SOAT2: variants seen among roughly 807,000 people sequenced by gnomAD.
SOAT2 encodes ACAT-2.
Under a neutral mutation model 76.0 loss-of-function variants are expected in SOAT2, and 87 were observed. The observed-to-expected ratio is 1.14, with a 90% CI of 0.96 to 1.37. The LOEUF is 1.37. Among genes scored for constraint, SOAT2 ranks in the 40% most tolerant of loss-of-function variants. The pLI, the probability that SOAT2 is intolerant of heterozygous loss-of-function variation, is 0.00. For synonymous variants in SOAT2, 285 were observed against 275.4 expected (o/e 1.03, Z -0.34); for missense variants, 686 against 682.1 (o/e 1.01, Z -0.06).
intron 5 of SOAT2, among the ~76,000 whole-genome samples, chr12:53,109,689 T>C (rs1937984902): frequency 6.6e-6 from 1 of 152,154 alleles, no homozygotes; most frequent in African/African-American, 2.4e-5. Context: ...GATTTCATCA[T>C]GTTGGCCAGG....
chr12:53,115,645 C>T lies in SOAT2; in HGVS notation c.699C>T (p.Val233=). The change falls in exon 6 of 15, where the codon GTC becomes GTT. Residue 233 remains valine, a synonymous_variant. Transcript: ENST00000301466. ...QLPPASRCVL[V]FEQVRFLMKS... is the part of the protein sequence containing the mutation. ...CGCCGGCCTCCCGTTGTGTCCTGGT[C>T]TTCGAGCAGGTGAGGGCCGAGCCCT... The T allele has an allele frequency of 6.5e-7, 1 of 1,536,966 alleles. No individual in the cohort carries two copies. The highest frequency in any genetic ancestry group is 8.7e-7 in the Non-Finnish European group (1 of 1,147,426).
At chr12:53,123,995 A>C in intron 14 of SOAT2, 78 bp from the exon 15 acceptor site, 1 of 1,603,882 alleles carries the variant, frequency 6.2e-7, no homozygotes, top group Non-Finnish European at 8.5e-7. Flanking sequence ...CTTGGGGGTG[A>C]TGGACTCTCA....
intron 8 of SOAT2, among the ~76,000 whole-genome samples, 159 bp downstream of exon 8, chr12:53,118,593 C>T (rs137950529): frequency 2.6e-5 from 4 of 152,154 alleles, no homozygotes; most frequent in African/African-American, 9.6e-5. Context: ...GGTAGACTAC[C>T]CTGTCTCCTT....
chr12:53,111,262 C>A (rs536663745), intron 5 of SOAT2, among the ~76,000 whole-genome samples: 5 of 152,030 alleles, frequency 3.3e-5, no homozygotes, highest in African/African-American at 1.2e-4. Flanking sequence ...CCCGCCACCA[C>A]GCCCGGCTAA....
chr12:53,113,649 G>C (rs2121282021), intron 5 of SOAT2, among the ~76,000 whole-genome samples: 1 of 152,328 alleles, frequency 6.6e-6, no homozygotes, highest in East Asian at 1.9e-4. Flanking sequence ...CAGTTACAGG[G>C]AGAAGGCCTG....
chr12:53,118,509 G>A (rs1938140636), intron 8 of SOAT2, 75 bp downstream of exon 8: 1 of 1,092,348 alleles, frequency 9.2e-7, no homozygotes, highest in African/African-American at 1.6e-5. Context: ...CCTCCCTGAG[G>A]TCCTCAGGCT....
intron 5 of SOAT2, among the ~76,000 whole-genome samples, chr12:53,113,370 C>G (rs1304261602): frequency 2.0e-5 from 3 of 152,192 alleles, no homozygotes; most frequent in Admixed American, 2.0e-4. Flanking sequence ...TCTGTTCTTC[C>G]CCAGTAGTGA....
At chr12:53,105,363 C>G (rs554047736) in intron 3 of SOAT2, 120 bp downstream of exon 3, 5 of 1,337,614 alleles carry the variant, frequency 3.7e-6, no homozygotes, top group Middle Eastern at 2.7e-4. Context: ...CCTCTTCCCC[C>G]CTTGTCTTCC....
rs769964242 is a variant in SOAT2 at position 53,106,024 on chromosome 12, C to T, written c.443+10C>T. The T allele has an allele frequency of 1.9e-6, 3 of 1,597,234 alleles. No homozygotes were observed. Among genetic ancestry groups the T allele is most frequent in the Non-Finnish European group, 2.6e-6 (3 of 1,165,124 alleles). On this transcript the variant is annotated intron_variant, in intron 5 of 14. Transcript: ENST00000301466. ...TCATTGATGAGGGCAGGTAGGTCCC[C>T]TTCCCACCTGGGACAGGCACACCTA...
chr12:53,115,216 T>C (rs1033213705), intron 5 of SOAT2, among the ~76,000 whole-genome samples, 174 bp from the exon 6 acceptor site: 3 of 152,040 alleles, frequency 2.0e-5, no homozygotes, highest in Admixed American at 6.5e-5. Context: ...CATGACTGAG[T>C]CTCCTGGAGC....
In SOAT2 at chr12:53,105,995, G is replaced by C; in HGVS notation, c.424G>C (p.Asp142His). 1 of 1,613,634 alleles carries C rather than the reference G, an allele frequency of 6.2e-7. No individual in the cohort carries two copies. The highest frequency in any genetic ancestry group is 8.5e-7 in the Non-Finnish European group (1 of 1,179,656). ...CTTCATCATCAGCACCCTGGCCATCGACTTCATTGATGAGGGCAGGTAGGT... is the reference window on the plus strand; with the variant it reads ...CTTCATCATCAGCACCCTGGCCATCCACTTCATTGATGAGGGCAGGTAGGT... The part of the protein sequence containing the change: ...CVFIISTLAI[D>H]FIDEGRLLLE... Residue 142 changes from aspartate to histidine, a missense_variant, in exon 5 of 15, where the codon GAC (aspartate) becomes CAC (histidine). Transcript: ENST00000301466.
chr12:53,115,438 A>T lies in SOAT2; in HGVS notation c.492A>T (p.Pro164=). The T allele has an allele frequency of 6.2e-7, 1 of 1,612,118 alleles. No individual in the cohort carries two copies. The highest frequency in any genetic ancestry group is 8.5e-7 in the Non-Finnish European group (1 of 1,179,406). Residue 164 remains proline (P), a synonymous_variant, in exon 6 of 15, where the codon CCA becomes CCT. Coordinates refer to ENST00000301466, the MANE Select transcript of SOAT2 (RefSeq NM_003578.4). ...TGATCTTCAGCTTCGGACAGCTGCCATTGGCGCTGGTGACCTGGGTGCCCA... is the reference window on the plus strand; with the variant it reads ...TGATCTTCAGCTTCGGACAGCTGCCTTTGGCGCTGGTGACCTGGGTGCCCA... The part of the protein sequence containing the change: ...DLLIFSFGQL[P]LALVTWVPMF...
chr12:53,113,442 G>A (rs972307522), intron 5 of SOAT2, among the ~76,000 whole-genome samples: 1 of 152,136 alleles, frequency 6.6e-6, no homozygotes, highest in Non-Finnish European at 1.5e-5. Flanking sequence ...AAAATCTCAC[G>A]GGCAGCTGCT....
chr12:53,105,442 T>C, intron 3 of SOAT2, 119 bp from the exon 4 acceptor site: 3 of 1,236,394 alleles, frequency 2.4e-6, no homozygotes, highest in Admixed American at 2.1e-5. Flanking sequence ...TCCTGCCCTC[T>C]GGCCCTAGCC....
At chr12:53,105,025 A>T in intron 2 of SOAT2, 82 bp from the exon 3 acceptor site, 1 of 1,371,100 alleles carries the variant, frequency 7.3e-7, no homozygotes, top group Non-Finnish European at 9.8e-7. Context: ...CCTGGCATAG[A>T]CAGAAATTCA....
In SOAT2 at chr12:53,104,094, T is replaced by G. The variant is rs149536797; in HGVS notation, c.83-57T>G. ...GCATTTCCTGACCACAGGATGCCTC[T>G]GGGTCTGCAGAACCCCAATTCCTCC... On this transcript the variant is annotated intron_variant, in intron 1 of 14. Coordinates refer to ENST00000301466, the MANE Select transcript of SOAT2 (RefSeq NM_003578.4). 116 of 1,451,530 alleles carry G rather than the reference T, an allele frequency of 8.0e-5. 1 individual carries two copies. The East Asian group carries it at 2.6e-3, about 33-fold the overall frequency. The allele number at this position is 1,451,530 out of a possible 1,614,324, so 89.9% of individuals were successfully genotyped here.
In SOAT2 at chr12:53,123,852, G is replaced by A. The variant is rs764643219; in HGVS notation, c.1497G>A (p.Arg499=). The part of the protein sequence containing the change: ...VSLYCQEWYA[R]RHCPLPQATF... ...TGTACTGCCAGGAGTGGTACGCACG[G>A]CGGCACTGCCCCTTACCCCAGGTAA... The change falls in exon 14 of 15, where the codon CGG becomes CGA. Residue 499 remains arginine, a synonymous_variant. Coordinates refer to ENST00000301466, the MANE Select transcript of SOAT2 (RefSeq NM_003578.4). 4 of 1,614,104 alleles carry A rather than the reference G, an allele frequency of 2.5e-6. No homozygotes were observed. Among genetic ancestry groups the A allele is most frequent in the Non-Finnish European group, 3.4e-6 (4 of 1,180,020 alleles).
At chr12:53,118,268 C>T (rs1342069229) in intron 7 of SOAT2, 82 bp from the exon 8 acceptor site, 2 of 494,862 alleles carry the variant, frequency 4.0e-6, no homozygotes, top group Non-Finnish European at 8.1e-6. Context: ...ACTCACCAAT[C>T]CCACCACCCT....
intron 10 of SOAT2, among the ~76,000 whole-genome samples, chr12:53,119,474 C>G (rs1938157964): frequency 6.6e-6 from 1 of 152,152 alleles, no homozygotes; most frequent in African/African-American, 2.4e-5. Context: ...CCAGATCTTT[C>G]CTTTCCCATC....
Sources: allele counts gnomAD v4.1 joint callset (sites outside exome capture counted in the v4.1 genomes callset), GRCh38; gene constraint gnomAD v4.1.1; transcripts MANE v1.5; gene names NCBI Gene and HGNC (gene_info 2026-07-23, HGNC 2026-07-21).